The following SNTG1 variants were observed in gnomAD, a reference collection of about 807,000 sequenced individuals.
The protein encoded by SNTG1 is syntrophin gamma 1, also known as gamma-1-syntrophin.
A neutral mutation model predicts 74.7 loss-of-function variants in SNTG1; 39 were observed. The ratio of observed to expected loss-of-function variants is 0.52; its 90% CI spans 0.40 to 0.68. The LOEUF (loss-of-function observed/expected upper bound fraction) is 0.68, where lower values mean the gene tolerates loss of function less well. Ranked by LOEUF, SNTG1 falls within the 30% of genes least tolerant of loss-of-function variation. The pLI is 0.00. For synonymous variants in SNTG1, 254 were observed against 217.1 expected (o/e 1.17, Z -1.49); for missense variants, 685 against 609.5 (o/e 1.12, Z -1.30).
At chr8:50,562,755 A>G (rs1003601216) in intron 12 of SNTG1, among the ~76,000 whole-genome samples, 2 of 152,186 alleles carry the variant, frequency 1.3e-5, no homozygotes, top group African/African-American at 2.4e-5. Context: ...CTCATGTCAT[A>G]TGTAGCTTTT....
At chr8:49,970,422 A>G (rs1371261391) in intron 1 of SNTG1, among the ~76,000 whole-genome samples, 1 of 152,190 alleles carries the variant, frequency 6.6e-6, no homozygotes, top group African/African-American at 2.4e-5. Flanking sequence ...TTCATTCAAC[A>G]TCTAGCATTT....
intron 1 of SNTG1, among the ~76,000 whole-genome samples, chr8:50,152,613 A>G (rs1006680008): frequency 1.3e-5 from 2 of 151,926 alleles, no homozygotes; most frequent in African/African-American, 4.8e-5. Flanking sequence ...TGGTGAGAAA[A>G]TCTCTCAGCA....
intron 12 of SNTG1, among the ~76,000 whole-genome samples, chr8:50,559,477 C>G (rs1437557250): frequency 6.6e-6 from 1 of 151,926 alleles, no homozygotes; most frequent in Non-Finnish European, 1.5e-5. Flanking sequence ...CAAACTAGAG[C>G]AGGTTGAACA....
intron 12 of SNTG1, among the ~76,000 whole-genome samples, chr8:50,559,731 T>C (rs1167834303): frequency 6.6e-6 from 1 of 152,098 alleles, no homozygotes; most frequent in African/African-American, 2.4e-5. Flanking sequence ...TAACTCAAGA[T>C]GGATTAAAGA....
chr8:50,162,369 T>C (rs1251437912), intron 1 of SNTG1, among the ~76,000 whole-genome samples: 3 of 151,806 alleles, frequency 2.0e-5, no homozygotes, highest in East Asian at 3.9e-4. Flanking sequence ...GAGACCACCC[T>C]GGCTAACACG....
chr8:50,682,610 T>A (rs1288014885), intron 15 of SNTG1, among the ~76,000 whole-genome samples: 1 of 152,180 alleles, frequency 6.6e-6, no homozygotes, highest in Non-Finnish European at 1.5e-5. Context: ...CTAACACTGG[T>A]TATCCTCAGC....
intron 11 of SNTG1, among the ~76,000 whole-genome samples, chr8:50,548,566 C>T (rs1211836043): frequency 1.3e-5 from 2 of 152,072 alleles, no homozygotes; most frequent in Non-Finnish European, 2.9e-5. Flanking sequence ...GAGCACTGTG[C>T]TAATGCTATG....
At chr8:49,986,951 G>C (rs1585780066) in intron 1 of SNTG1, among the ~76,000 whole-genome samples, 1 of 152,158 alleles carries the variant, frequency 6.6e-6, no homozygotes, top group East Asian at 1.9e-4. Context: ...TTCTGTAATA[G>C]ATGCTGAGAT....
chr8:50,106,033 G>T (rs1407462019), intron 1 of SNTG1, among the ~76,000 whole-genome samples: 1 of 151,976 alleles, frequency 6.6e-6, no homozygotes, highest in Non-Finnish European at 1.5e-5. Flanking sequence ...TCTTTCTCTT[G>T]CCTGATTGCT....
At chr8:50,604,710 C>A (rs574866257) in intron 13 of SNTG1, among the ~76,000 whole-genome samples, 1 of 152,218 alleles carries the variant, frequency 6.6e-6, no homozygotes, top group South Asian at 2.1e-4. Context: ...GATTTAGCCA[C>A]CACAATAGCC....
intron 13 of SNTG1, among the ~76,000 whole-genome samples, chr8:50,599,015 C>T (rs2094753046): frequency 6.6e-6 from 1 of 152,026 alleles, no homozygotes; most frequent in African/African-American, 2.4e-5. Context: ...TTATTGGGTG[C>T]AAGAGGTACT....
chr8:50,494,882 T>C (rs1420962238), intron 8 of SNTG1, among the ~76,000 whole-genome samples: 1 of 152,124 alleles, frequency 6.6e-6, no homozygotes. Context: ...AATATTCTTT[T>C]CTAACTAAAA....
At chr8:50,542,890 T>C (rs895053597) in intron 11 of SNTG1, among the ~76,000 whole-genome samples, 5 of 152,222 alleles carry the variant, frequency 3.3e-5, no homozygotes, top group African/African-American at 1.2e-4. Context: ...GTATGTCTTC[T>C]TTTGAGAAAT....
chr8:50,013,288 A>T (rs1476271161), intron 1 of SNTG1, among the ~76,000 whole-genome samples: 3 of 152,130 alleles, frequency 2.0e-5, no homozygotes, highest in Admixed American at 6.5e-5. Context: ...AGGATATCTT[A>T]AAAAATAGCA....
intron 2 of SNTG1, among the ~76,000 whole-genome samples, chr8:50,295,640 T>A (rs2089327611): frequency 6.6e-6 from 1 of 152,196 alleles, no homozygotes; most frequent in African/African-American, 2.4e-5. Flanking sequence ...CAAAGGTTGT[T>A]TGCATGTAAA....
chr8:50,257,879 A>T (rs1276758980), intron 2 of SNTG1, among the ~76,000 whole-genome samples: 1 of 152,222 alleles, frequency 6.6e-6, no homozygotes, highest in Admixed American at 6.5e-5. Context: ...ATAATAAAGC[A>T]ATCAGCTAGC....
At chr8:50,053,633 G>A (rs971232484) in intron 1 of SNTG1, among the ~76,000 whole-genome samples, 1 of 149,530 alleles carries the variant, frequency 6.7e-6, no homozygotes, top group African/African-American at 2.5e-5. Flanking sequence ...TTGTGTGTGT[G>A]TGTGTGTGTG....
intron 17 of SNTG1, among the ~76,000 whole-genome samples, chr8:50,717,652 G>C (rs2131582056): frequency 6.6e-6 from 1 of 152,200 alleles, no homozygotes; most frequent in East Asian, 1.9e-4. Flanking sequence ...ACACATCAGG[G>C]AGTTGCTTCT....
At chr8:50,374,792 C>G (rs2092342165) in intron 2 of SNTG1, among the ~76,000 whole-genome samples, 1 of 152,066 alleles carries the variant, frequency 6.6e-6, no homozygotes, top group Non-Finnish European at 1.5e-5. Flanking sequence ...CATCTCATAG[C>G]TAAATAAATA....
Sources: gnomAD v4.1 joint callset for allele counts (sites outside exome capture counted in the v4.1 genomes callset) on GRCh38, gnomAD v4.1.1 for gene constraint, MANE v1.5 for transcripts, NCBI Gene and HGNC (gene_info 2026-07-23, HGNC 2026-07-21) for gene names.